Variants in STAT5B observed in about 807,000 individuals in gnomAD.
STAT5B encodes transcription factor STAT5B.
STAT5B carries 21 observed loss-of-function variants against 107.8 expected under a neutral mutation model. That is an observed-to-expected ratio of 0.19 (90% confidence interval 0.14 to 0.28). The LOEUF is 0.28. Ranked by LOEUF, STAT5B falls within the 10% of genes least tolerant of loss-of-function variation. STAT5B has a pLI of 1.00. For synonymous variants in STAT5B, 325 were observed against 401.7 expected (o/e 0.81, Z 2.28); for missense variants, 565 against 1,008.2 (o/e 0.56, Z 5.95).
Position 42,224,980 on chromosome 17 carries a change from G to T in STAT5B, c.286-112C>A, listed in dbSNP as rs917010361. The T allele has an allele frequency of 1.2e-5, 12 of 992,006 alleles. No homozygotes were observed. The African/African-American group carries it at 1.9e-4, about 16-fold the overall frequency. The allele number at this position is 992,006 out of a possible 1,614,324, so 61.5% of individuals were successfully genotyped here. A position where few individuals can be genotyped will look rare whatever the true frequency, so the allele number is the denominator to read the frequency against. The stretch of plus-strand genomic sequence containing the variant: ...GACCTCCTGAATCACAGGAGGCACT[G>T]TTCCTCCAATACCAACAGGAACAAG... On this transcript the variant is annotated intron_variant, in intron 3 of 18. Coordinates refer to ENST00000293328, the MANE Select transcript of STAT5B (RefSeq NM_012448.4).
intron 1 of STAT5B, among the ~76,000 whole-genome samples, chr17:42,260,540 C>A (rs770214286): frequency 5.9e-5 from 9 of 151,850 alleles, no homozygotes; most frequent in South Asian, 2.1e-4. Flanking sequence ...TCCCAAGTAG[C>A]TGGGACTATA....
intron 16 of STAT5B, 67 bp downstream of exon 16, chr17:42,207,491 A>G (rs1336683347): frequency 5.3e-4 from 170 of 320,752 alleles, no homozygotes; most frequent in East Asian, 1.8e-3. Context: ...AGGTATGCAC[A>G]CACACACACA....
At chr17:42,259,525 G>A (rs1041236786) in intron 1 of STAT5B, among the ~76,000 whole-genome samples, 2 of 152,088 alleles carry the variant, frequency 1.3e-5, no homozygotes, top group Admixed American at 1.3e-4. Flanking sequence ...GGTGGCTCAC[G>A]CCTGTAATCC....
upstream of STAT5B, among the ~76,000 whole-genome samples, chr17:42,277,758 C>CTT (rs796461733): frequency 7.7e-4 from 108 of 139,846 alleles, 1 homozygote; most frequent in African/African-American, 2.4e-3. Flanking sequence ...TTTTTCTTTT[C>CTT]TTTTTTTTTT....
chr17:42,285,074 A>G, the STAT5B span, among the ~76,000 whole-genome samples: 1 of 151,306 alleles, frequency 6.6e-6, no homozygotes, highest in Non-Finnish European at 1.5e-5. Context: ...TTTGGAGAAT[A>G]TATTGCTTTT....
chr17:42,258,226 A>T (rs2144382058), intron 1 of STAT5B, among the ~76,000 whole-genome samples: 1 of 152,340 alleles, frequency 6.6e-6, no homozygotes, highest in African/African-American at 2.4e-5. Flanking sequence ...AGTAAAATAA[A>T]GGGGTTCCTA....
In STAT5B at chr17:42,276,036, C is replaced by T. The variant is rs1213878825; in HGVS notation, c.-11+212G>A. Among the ~76,000 whole-genome samples, 1 of 151,264 alleles carries T rather than the reference C, an allele frequency of 6.6e-6. No individual in the cohort carries two copies. Among genetic ancestry groups the T allele is most frequent in the Admixed American group, 6.6e-5 (1 of 15,236 alleles). On this transcript the variant is annotated intron_variant, in intron 1 of 18. Coordinates refer to ENST00000293328, the MANE Select transcript of STAT5B (RefSeq NM_012448.4). This position sits in a 1 kb window ranked among gnomAD's most constrained non-coding sequence, Gnocchi z 4.8. ...CGTTCGCAAGTCCCCCTCGCGCACCCCGCATTGCCCTCAGCCTCCCCGGCA... is the reference window on the plus strand; with the variant it reads ...CGTTCGCAAGTCCCCCTCGCGCACCTCGCATTGCCCTCAGCCTCCCCGGCA...
chr17:42,275,861 G>A (rs2144448679), intron 1 of STAT5B, among the ~76,000 whole-genome samples: 1 of 152,176 alleles, frequency 6.6e-6, no homozygotes, highest in Middle Eastern at 3.4e-3. Context: ...CAAGGAAGAC[G>A]GCTGGGGATA....
At chr17:42,270,735 C>T (rs914180249) in intron 1 of STAT5B, 2 of 152,150 alleles carry the variant, frequency 1.3e-5, no homozygotes, top group African/African-American at 2.4e-5. Context: ...GTGGCCAGCT[C>T]GCTTTTGCTG....
At chr17:42,277,320 C>G (rs2080774315), upstream of STAT5B, among the ~76,000 whole-genome samples, 1 of 151,998 alleles carries the variant, frequency 6.6e-6, no homozygotes, top group African/African-American at 2.4e-5. Context: ...CTGCAGGGGC[C>G]AAAAGAGAGA....
chr17:42,219,383 C>T lies in STAT5B; in HGVS notation c.762G>A (p.Gln254=), dbSNP rs1204967649. Residue 254 remains glutamine (Q), a synonymous_variant, in exon 7 of 19, where the codon CAG becomes CAA. Coordinates refer to ENST00000293328, the MANE Select transcript of STAT5B (RefSeq NM_012448.4). Reference sequence around the variant, plus strand: ...CGGCCAGCTGCTGCCGCCGCTTCCACTGGATCAGCTCGTCATCCAGGATGA... The same window carrying T: ...CGGCCAGCTGCTGCCGCCGCTTCCATTGGATCAGCTCGTCATCCAGGATGA... The part of the protein sequence containing the change: ...QTIILDDELI[Q]WKRRQQLAGN... The T allele has an allele frequency of 6.6e-7, 1 of 1,512,496 alleles. No homozygotes were observed. The highest frequency in any genetic ancestry group is 1.4e-5 in the African/African-American group (1 of 71,570). 93.7% of individuals were successfully genotyped at this position (1,512,496 alleles called of 1,614,324 possible). A position where few individuals can be genotyped will look rare whatever the true frequency, so the allele number is the denominator to read the frequency against.
In STAT5B at chr17:42,223,467, C is replaced by T. The variant is rs556691083; in HGVS notation, c.465G>A (p.Thr155=). The T allele has an allele frequency of 8.7e-6, 14 of 1,614,156 alleles. No individual in the cohort carries two copies. Among genetic ancestry groups the T allele is most frequent in the South Asian group, 5.5e-5 (5 of 91,088 alleles). Residue 155 remains threonine, a synonymous_variant, in exon 5 of 19, where the codon ACG becomes ACA. Coordinates refer to ENST00000293328, the MANE Select transcript of STAT5B (RefSeq NM_012448.4). ...NQTFEELRLV[T]QDTENELKKL... ...TTTTTAACTCATTCTCTGTGTCCTG[C>T]GTGACCAGTCGCAGCTCCTCAAACG...
chr17:42,288,276 C>T, the STAT5B span: 1 of 152,130 alleles, frequency 6.6e-6, no homozygotes, highest in Non-Finnish European at 1.5e-5. The surrounding 1 kb of genome is among the most constrained non-coding windows in gnomAD (Gnocchi z 4.8). Flanking sequence ...TGCTGGGACT[C>T]CCGGGGGACC....
At chr17:42,270,379 G>A (rs1170810961) in intron 1 of STAT5B, 1 of 152,096 alleles carries the variant, frequency 6.6e-6, no homozygotes, top group Non-Finnish European at 1.5e-5. Context: ...GTACAGACGT[G>A]CATGTCAACA....
At chr17:42,273,502 G>C (rs1232201160) in intron 1 of STAT5B, among the ~76,000 whole-genome samples, 2 of 152,130 alleles carry the variant, frequency 1.3e-5, no homozygotes, top group African/African-American at 4.8e-5. Flanking sequence ...ACAAACTAGG[G>C]TTATTTTGCT....
intron 1 of STAT5B, among the ~76,000 whole-genome samples, chr17:42,258,040 C>A (rs75803971): frequency 0.018 from 2,789 of 152,186 alleles, 81 homozygotes; most frequent in African/African-American, 0.064. Context: ...CTTTAATTTT[C>A]ATCTTTAGGG....
chr17:42,207,919 G>A (rs112001804), intron 15 of STAT5B, among the ~76,000 whole-genome samples, 191 bp from the exon 16 acceptor site: 2,203 of 152,092 alleles, frequency 0.014, 63 homozygotes, highest in African/African-American at 0.051. Context: ...ATTTTGAGAC[G>A]GAGTCTCACT....
intron 1 of STAT5B, among the ~76,000 whole-genome samples, chr17:42,259,411 G>C (rs940592714): frequency 1.3e-5 from 2 of 152,192 alleles, no homozygotes; most frequent in Non-Finnish European, 2.9e-5. Flanking sequence ...TCAAACAAGA[G>C]GGTGCATCTG....
chr17:42,235,931 T>A (rs1201897329), intron 1 of STAT5B, among the ~76,000 whole-genome samples: 2 of 152,204 alleles, frequency 1.3e-5, no homozygotes, highest in Non-Finnish European at 1.5e-5. Flanking sequence ...ATTACTGTTT[T>A]AGGAAAGAAA....
Sources: allele counts gnomAD v4.1 joint callset (sites outside exome capture counted in the v4.1 genomes callset), GRCh38; gene constraint gnomAD v4.1.1; non-coding constraint Gnocchi (gnomAD v3.1); transcripts MANE v1.5; gene names NCBI Gene and HGNC (gene_info 2026-07-23, HGNC 2026-07-21).